Variants in CLIP1 observed in about 807,000 individuals in gnomAD.
CLIP1 encodes CAP-Gly domain-containing linker protein 1.
CLIP1 carries 66 observed loss-of-function variants against 161.6 expected under a neutral mutation model. The observed-to-expected ratio is 0.41, with a 90% CI of 0.33 to 0.50. CLIP1 has a LOEUF of 0.50. Among genes scored for constraint, CLIP1 ranks in the 20% least tolerant of loss-of-function variants. The pLI is 0.27. For synonymous variants in CLIP1, 598 were observed against 626.2 expected, an observed-to-expected ratio of 0.96 and a Z score of 0.67; for missense variants, 1,376 against 1,702.0, an observed-to-expected ratio of 0.81 and a Z score of 3.37.
intron 20 of CLIP1, among the ~76,000 whole-genome samples, chr12:122,293,616 T>G (rs1950342036): frequency 6.9e-6 from 1 of 145,476 alleles, no homozygotes; most frequent in Admixed American, 6.9e-5. Context: ...GTAGCTGGGA[T>G]TATAGGCATG....
In CLIP1 at chr12:122,380,194, G is replaced by A. The variant is rs147142340; in HGVS notation, c.85+174C>T. 5.9e-4 allele frequency among the ~76,000 whole-genome samples: 89 copies of A among 151,132 alleles called. 1 individual carries two copies. In the East Asian group the frequency reaches 9.1e-3, roughly 16 times the overall value. On this transcript the variant is annotated intron_variant, in intron 2 of 25. Coordinates refer to ENST00000620786, the MANE Select transcript of CLIP1 (RefSeq NM_001247997.2). Reference sequence around the variant, plus strand: ...GGAGGCGGAGCCTGCAGTGAGCCAAGATTGCGCCACTGCACTCCAGCCTGG... The same window carrying A: ...GGAGGCGGAGCCTGCAGTGAGCCAAAATTGCGCCACTGCACTCCAGCCTGG...
intron 8 of CLIP1, 138 bp from the exon 9 acceptor site, chr12:122,351,281 T>G (rs746712552): frequency 2.3e-5 from 12 of 530,408 alleles, no homozygotes; most frequent in Non-Finnish European, 3.2e-5. Context: ...TACAACCCAG[T>G]GCTGATGTAA....
Position 122,380,524 on chromosome 12 carries a change from TG to T in CLIP1, c.-73del. On this transcript the variant is annotated 5_prime_UTR_variant, in exon 2 of 26. Transcript: ENST00000620786. ...CTTTCCCCAACCATTGATACAACTG[TG>T]GGTTCTATAGTGAAGTCAGTCTCTG... is the stretch of plus-strand genomic sequence containing the variant. 1 of 933,262 alleles carries T rather than the reference TG, an allele frequency of 1.1e-6. No individual in the cohort carries two copies. The highest frequency in any genetic ancestry group is 1.4e-5 in the South Asian group (1 of 69,472). The allele number at this position is 933,262 out of a possible 1,614,324, so 57.8% of individuals were successfully genotyped here.
At chr12:122,351,909 A>G (rs1007821783) in intron 8 of CLIP1, among the ~76,000 whole-genome samples, 2 of 152,180 alleles carry the variant, frequency 1.3e-5, no homozygotes, top group Non-Finnish European at 2.9e-5. Flanking sequence ...AAGAAGTTGA[A>G]ATATAAAGTG....
At chr12:122,282,708 T>C (rs1470078226) in intron 21 of CLIP1, among the ~76,000 whole-genome samples, 1 of 152,016 alleles carries the variant, frequency 6.6e-6, no homozygotes, top group Non-Finnish European at 1.5e-5. Flanking sequence ...GCTGAGAATA[T>C]TTTACAAAAC....
chr12:122,282,251 A>G lies in CLIP1; in HGVS notation c.3648-3106T>C, dbSNP rs148371518. 5.3e-5 allele frequency among the ~76,000 whole-genome samples: 8 copies of G among 152,314 alleles called. No individual in the cohort carries two copies. The East Asian group carries it at 1.2e-3, about 22-fold the overall frequency. On this transcript the variant is annotated intron_variant, in intron 21 of 25. Coordinates refer to ENST00000620786, the MANE Select transcript of CLIP1 (RefSeq NM_001247997.2). ...GCCATCTCTAAGCTCCAATTCCACT[A>G]TGCAAACCACCAGGAGGGACTACAT...
In CLIP1 at chr12:122,288,516, T is replaced by C; in HGVS notation, c.3620A>G (p.Asn1207Ser). 1 of 1,608,218 alleles carries C rather than the reference T, an allele frequency of 6.2e-7. No individual in the cohort carries two copies. Among genetic ancestry groups the C allele is most frequent in the Non-Finnish European group, 8.5e-7 (1 of 1,179,874 alleles). The change falls in exon 21 of 26, where the codon AAT becomes AGT. Residue 1207 changes from asparagine to serine, a missense_variant. Physicochemically the swap from Asn to Ser is conservative, Grantham distance 46 (BLOSUM62 1). This residue lies in a region of CLIP1 where 948 missense variants were observed against 1,134.8 expected (regional missense o/e 0.84). Coordinates refer to ENST00000620786, the MANE Select transcript of CLIP1 (RefSeq NM_001247997.2). ...QKLEEERSVLNNQLLEMKKRE... is the reference protein window; with the variant it reads ...QKLEEERSVLSNQLLEMKKRE... Reference sequence around the variant, plus strand: ...TTTTTTCATTTCTAACAACTGATTATTGAGCACAGATCTTTCTTCTTCCAG... The same window carrying C: ...TTTTTTCATTTCTAACAACTGATTACTGAGCACAGATCTTTCTTCTTCCAG...
chr12:122,382,536 A>T (rs1022328506), intron 1 of CLIP1, among the ~76,000 whole-genome samples: 2 of 151,564 alleles, frequency 1.3e-5, no homozygotes, highest in Non-Finnish European at 1.5e-5. Context: ...GAACACATAG[A>T]AAGAAGGCCA....
intron 21 of CLIP1, among the ~76,000 whole-genome samples, chr12:122,282,684 T>C (rs1955694159): frequency 6.6e-6 from 1 of 151,686 alleles, no homozygotes; most frequent in Non-Finnish European, 1.5e-5. Context: ...TATATATATG[T>C]ATATATATAT....
Position 122,351,163 on chromosome 12 carries a change from AAAAAT to A in CLIP1, c.1369-25_1369-21del. The A allele has an allele frequency of 6.9e-7, 1 of 1,441,556 alleles. No individual in the cohort carries two copies. Among genetic ancestry groups the A allele is most frequent in the Non-Finnish European group, 9.2e-7 (1 of 1,089,586 alleles). The allele number at this position is 1,441,556 out of a possible 1,614,324, so 89.3% of individuals were successfully genotyped here. A position where few individuals can be genotyped will look rare whatever the true frequency, so the allele number is the denominator to read the frequency against. ...CTTTTGCTATCAGTAAAAAAATAAA[AAAAAT>A]TAAACAACAACAAAAAAGAGATTCC... On this transcript the variant is annotated intron_variant, in intron 8 of 25. Coordinates refer to ENST00000620786, the MANE Select transcript of CLIP1 (RefSeq NM_001247997.2).
intron 15 of CLIP1, among the ~76,000 whole-genome samples, chr12:122,331,723 G>A (rs773792255): frequency 3.3e-5 from 5 of 152,102 alleles, no homozygotes; most frequent in African/African-American, 1.2e-4. Flanking sequence ...GGCCAGGTAC[G>A]GTGACTCATG....
At chr12:122,381,917 T>A (rs565987401) in intron 1 of CLIP1, among the ~76,000 whole-genome samples, 2 of 152,180 alleles carry the variant, frequency 1.3e-5, no homozygotes, top group African/African-American at 4.8e-5. Context: ...CAAAACCCAA[T>A]GAAAAGCATC....
chr12:122,292,167 A>ATT (rs1303619189), intron 20 of CLIP1, among the ~76,000 whole-genome samples: 35 of 138,040 alleles, frequency 2.5e-4, no homozygotes, highest in African/African-American at 9.2e-4. Context: ...AATTTTTTGT[A>ATT]TTTTTTTTTT....
intron 1 of CLIP1, among the ~76,000 whole-genome samples, chr12:122,404,348 G>A (rs1269739082): frequency 1.3e-5 from 2 of 152,196 alleles, no homozygotes; most frequent in East Asian, 1.9e-4. Flanking sequence ...TGTAATCCCA[G>A]TACTTTGGGA....
At chr12:122,366,181 C>T (rs566781524) in intron 3 of CLIP1, among the ~76,000 whole-genome samples, 233 of 151,894 alleles carry the variant, frequency 1.5e-3, no homozygotes, top group African/African-American at 5.5e-3. Context: ...GTGGCTCACG[C>T]CTGTAGTCCC....
At chr12:122,384,775 A>T (rs947671522) in intron 1 of CLIP1, among the ~76,000 whole-genome samples, 5 of 151,748 alleles carry the variant, frequency 3.3e-5, no homozygotes, top group African/African-American at 4.8e-5. Flanking sequence ...AATAAAAAAA[A>T]AAAATAAAGC....
intron 24 of CLIP1, chr12:122,276,352 C>T: frequency 8.8e-7 from 1 of 1,130,048 alleles, no homozygotes; most frequent in South Asian, 1.6e-5. Context: ...GAAGAAAAAG[C>T]CACAAAATGG....
chr12:122,307,602 T>C (rs1398577821), intron 20 of CLIP1, among the ~76,000 whole-genome samples: 2 of 152,234 alleles, frequency 1.3e-5, no homozygotes, highest in African/African-American at 2.4e-5. Context: ...AGCTCTGTAA[T>C]ACATTTCTAA....
chr12:122,310,024 T>C (rs2136509305), intron 19 of CLIP1, 142 bp from the exon 20 acceptor site: 1 of 894,194 alleles, frequency 1.1e-6, no homozygotes, highest in Non-Finnish European at 1.7e-6. Flanking sequence ...GACAGTATTA[T>C]CTACATGCAG....
Sources: gnomAD v4.1 joint callset for allele counts (sites outside exome capture counted in the v4.1 genomes callset) on GRCh38, gnomAD v4.1.1 for gene constraint, gnomAD v4.1.1 regional missense constraint, MANE v1.5 for transcripts, NCBI Gene and HGNC (gene_info 2026-07-23, HGNC 2026-07-21) for gene names.